MC2R: variants seen among roughly 807,000 people sequenced by gnomAD.
MC2R encodes melanocortin 2 receptor.
In MC2R, 9 loss-of-function variants were observed where a neutral mutation model predicts 9.8. The observed-to-expected ratio is 0.92, with a 90% CI of 0.55 to 1.60. The LOEUF (loss-of-function observed/expected upper bound fraction) is 1.60, where lower values mean the gene tolerates loss of function less well. MC2R is among the 40% of genes most tolerant of loss of function. MC2R has a pLI of 0.00. For missense variants in MC2R, 370 were observed against 389.0 expected (o/e 0.95, Z 0.41); for synonymous variants, 185 against 154.7 (o/e 1.20, Z -1.45).
intron 1 of MC2R, among the ~76,000 whole-genome samples, chr18:13,890,637 G>A (rs1199059682): frequency 6.6e-6 from 1 of 152,104 alleles, no homozygotes; most frequent in Admixed American, 6.6e-5. Flanking sequence ...GTTTTCACTA[G>A]ATGCATTTAA....
At position 13,887,695 on chromosome 18, in the gene MC2R, G is replaced by A. The variant is rs187407301; in HGVS notation, c.-128-2049C>T. ...CCTGAGGATAACAGACCAGCTCCTC[G>A]ACGACCTGGGGGGCTCCTCCTGCCT... On this transcript the variant is annotated intron_variant, in intron 1 of 1. Transcript: ENST00000327606. 2.0e-3 allele frequency among the ~76,000 whole-genome samples: 299 copies of A among 152,272 alleles called. 1 individual carries two copies. The highest frequency in any genetic ancestry group is 2.9e-3 in the Non-Finnish European group (198 of 68,016).
At chr18:13,888,810 C>T (rs2045294918) in intron 1 of MC2R, among the ~76,000 whole-genome samples, 1 of 152,212 alleles carries the variant, frequency 6.6e-6, no homozygotes, top group Non-Finnish European at 1.5e-5. Context: ...ATTTAAACTT[C>T]ACAAGGACCT....
rs1201622298 is a variant in MC2R, at chr18:13,901,021, C to CA, written c.-129+14466dup. Among the ~76,000 whole-genome samples, 107 of 151,968 alleles carry CA rather than the reference C, an allele frequency of 7.0e-4. 1 individual carries two copies. The highest frequency in any genetic ancestry group is 2.6e-3 in the African/African-American group (106 of 41,498). On this transcript the variant is annotated intron_variant, in intron 1 of 1. Coordinates refer to ENST00000327606, the MANE Select transcript of MC2R (RefSeq NM_000529.2). ...GTCACAAAACAAGTCTTAAAACATTCAAAAAAATTGAAATAATGTCAAGTA... is the reference window on the plus strand; with the variant it reads ...GTCACAAAACAAGTCTTAAAACATTCAAAAAAAATTGAAATAATGTCAAGTA...
chr18:13,905,925 G>T (rs368254672), intron 1 of MC2R, among the ~76,000 whole-genome samples: 1 of 152,042 alleles, frequency 6.6e-6, no homozygotes, highest in African/African-American at 2.4e-5. Flanking sequence ...GCATGATGAC[G>T]CACACCTGTA....
chr18:13,911,634 A>G (rs552174844), intron 1 of MC2R, among the ~76,000 whole-genome samples: 1 of 152,264 alleles, frequency 6.6e-6, no homozygotes, highest in Non-Finnish European at 1.5e-5. Flanking sequence ...TGCAGCGGGT[A>G]GCTTTGGCTT....
At chr18:13,909,333 C>T (rs1285593609) in intron 1 of MC2R, among the ~76,000 whole-genome samples, 1 of 152,228 alleles carries the variant, frequency 6.6e-6, no homozygotes, top group Non-Finnish European at 1.5e-5. Context: ...TGACTCATGA[C>T]TGGTGCTAAC....
At chr18:13,904,562 G>C (rs1386788752) in intron 1 of MC2R, among the ~76,000 whole-genome samples, 3 of 150,316 alleles carry the variant, frequency 2.0e-5, no homozygotes, top group African/African-American at 7.4e-5. Flanking sequence ...AATTAGACAG[G>C]AGAAAAAAAA....
At chr18:13,893,074 G>A (rs2045326457) in intron 1 of MC2R, among the ~76,000 whole-genome samples, 1 of 152,182 alleles carries the variant, frequency 6.6e-6, no homozygotes, top group South Asian at 2.1e-4. Context: ...CATGTGCAGT[G>A]AACTATTTTC....
At chr18:13,891,273 C>T (rs1316095710) in intron 1 of MC2R, among the ~76,000 whole-genome samples, 1 of 152,208 alleles carries the variant, frequency 6.6e-6, no homozygotes, top group Admixed American at 6.5e-5. Flanking sequence ...TTCTTTCCTT[C>T]TTCCACTGCA....
At chr18:13,887,118 C>T (rs1048243651) in intron 1 of MC2R, among the ~76,000 whole-genome samples, 9 of 152,160 alleles carry the variant, frequency 5.9e-5, no homozygotes, top group Non-Finnish European at 1.5e-5. Context: ...GCCTCCTGCC[C>T]AGGCCCGGGG....
intron 1 of MC2R, among the ~76,000 whole-genome samples, chr18:13,906,441 T>G: frequency 6.7e-6 from 1 of 148,536 alleles, no homozygotes; most frequent in African/African-American, 2.5e-5. Context: ...GGGTGGGAGG[T>G]GAGGGGAGGG....
chr18:13,884,365 T>A lies in MC2R; in HGVS notation c.*260A>T, dbSNP rs2045257876. ...TAATGGCAAAAACCTTAATTACTTT[T>A]GTACCTACCTAATACTTTGTATTCT... On this transcript the variant is annotated 3_prime_UTR_variant, in exon 2 of 2. Transcript: ENST00000327606. 1.9e-6 allele frequency: 1 copy of A among 536,956 alleles called. No homozygotes were observed. Among genetic ancestry groups the A allele is most frequent in the African/African-American group, 1.9e-5 (1 of 52,728 alleles). The allele number at this position is 536,956 out of a possible 1,614,324, so 33.3% of individuals were successfully genotyped here. A position where few individuals can be genotyped will look rare whatever the true frequency, so the allele number is the denominator to read the frequency against.
chr18:13,912,361 C>T (rs1481700729), intron 1 of MC2R, among the ~76,000 whole-genome samples: 2 of 152,078 alleles, frequency 1.3e-5, no homozygotes, highest in Admixed American at 6.5e-5. Flanking sequence ...CACCCAGCTG[C>T]GAATCTGCCT....
rs1221220575 is a variant in MC2R, at chr18:13,882,251, C to G, written c.*2374G>C. The G allele has an allele frequency of 6.6e-6, 1 of 152,210 alleles. No individual in the cohort carries two copies. The highest frequency in any genetic ancestry group is 2.4e-5 in the African/African-American group (1 of 41,444). 9.4% of individuals were successfully genotyped at this position (152,210 alleles called of 1,614,324 possible). A position where few individuals can be genotyped will look rare whatever the true frequency, so the allele number is the denominator to read the frequency against. ...CTGAAGCTTGTTGATCTTCCTCACACAAATATGTGCAGTTTGGTGGTGCTT... is the reference window on the plus strand; with the variant it reads ...CTGAAGCTTGTTGATCTTCCTCACAGAAATATGTGCAGTTTGGTGGTGCTT... On this transcript the variant is annotated 3_prime_UTR_variant, in exon 2 of 2. Transcript: ENST00000327606.
intron 1 of MC2R, among the ~76,000 whole-genome samples, chr18:13,899,090 T>C (rs2045363831): frequency 6.6e-6 from 1 of 152,148 alleles, no homozygotes; most frequent in Admixed American, 6.6e-5. Context: ...ACACCTGTAT[T>C]GAAGAAACTC....
rs142655387 is a variant in MC2R at position 13,900,182 on chromosome 18, G to A, written c.-128-14536C>T. Among the ~76,000 whole-genome samples the A allele has an allele frequency of 2.3e-3, 344 of 152,174 alleles. 1 individual carries two copies. Among genetic ancestry groups the A allele is most frequent in the Non-Finnish European group, 4.0e-3 (272 of 67,962 alleles). On this transcript the variant is annotated intron_variant, in intron 1 of 1. Coordinates refer to ENST00000327606, the MANE Select transcript of MC2R (RefSeq NM_000529.2). ...TTGTTTATGCAAACAATGTTAAGTTGTTATCAGATTAAAATAATGGGTTAT... is the reference window on the plus strand; with the variant it reads ...TTGTTTATGCAAACAATGTTAAGTTATTATCAGATTAAAATAATGGGTTAT...
At chr18:13,893,787 G>A (rs1803070083) in intron 1 of MC2R, among the ~76,000 whole-genome samples, 1 of 152,230 alleles carries the variant, frequency 6.6e-6, no homozygotes, top group South Asian at 2.1e-4. Flanking sequence ...ACAATGCAGA[G>A]GGTGAAGATG....
intron 1 of MC2R, among the ~76,000 whole-genome samples, chr18:13,901,603 A>T (rs1246299725): frequency 6.6e-6 from 1 of 152,100 alleles, no homozygotes; most frequent in South Asian, 2.1e-4. Flanking sequence ...ACTATGAGTA[A>T]CTATATGCCT....
chr18:13,913,027 A>C (rs7230677), intron 1 of MC2R, among the ~76,000 whole-genome samples: 79,655 of 151,994 alleles, frequency 0.52, 22,055 homozygotes, highest in African/African-American at 0.71. Flanking sequence ...CTTCACAGAG[A>C]ACTGCTGCTT....
Sources: allele counts gnomAD v4.1 joint callset (sites outside exome capture counted in the v4.1 genomes callset), GRCh38; gene constraint gnomAD v4.1.1; transcripts MANE v1.5; gene names NCBI Gene and HGNC (gene_info 2026-07-23, HGNC 2026-07-21).